Variants in MTMR10 observed in about 807,000 individuals in gnomAD.
The protein encoded by MTMR10 is myotubularin-related protein 10.
MTMR10 carries 56 observed loss-of-function variants against 88.1 expected under a neutral mutation model. That is an observed-to-expected ratio of 0.64 (90% CI 0.51 to 0.79). The LOEUF (loss-of-function observed/expected upper bound fraction) is 0.79. MTMR10 is among the 30% of genes least tolerant of loss of function. MTMR10 has a pLI of 0.00. For synonymous variants in MTMR10, 380 were observed against 340.9 expected, an observed-to-expected ratio of 1.11 and a Z score of -1.26; for missense variants, 883 against 924.7, an observed-to-expected ratio of 0.95 and a Z score of 0.58.
chr15:30,952,301 CTT>C lies in MTMR10; in HGVS notation c.1137-265_1137-264del, dbSNP rs376730139. ...ACTGCTTTCTACTGAATGCACATAG[CTT>C]TCGCATTACCGTAAAGTTTCTTTAG... On this transcript the variant is annotated intron_variant, in intron 11 of 15. Transcript: ENST00000435680. Among the ~76,000 whole-genome samples the C allele has an allele frequency of 3.7e-4, 56 of 152,342 alleles. No individual in the cohort carries two copies. In the East Asian group the frequency reaches 8.9e-3, roughly 24 times the overall value.
chr15:30,974,905 T>A (rs755660495), intron 4 of MTMR10, 26 bp downstream of exon 4: 5 of 1,394,658 alleles, frequency 3.6e-6, no homozygotes, highest in Non-Finnish European at 4.8e-6. Flanking sequence ...AATTGACTTT[T>A]AGAGTATGTA....
At chr15:30,921,881 A>G in the MTMR10 span, among the ~76,000 whole-genome samples, 1 of 152,248 alleles carries the variant, frequency 6.6e-6, no homozygotes, top group African/African-American at 2.4e-5. Flanking sequence ...GTGTTCCCAG[A>G]AGTATGTGGG....
the MTMR10 span, chr15:30,927,462 G>A: frequency 1.0e-6 from 1 of 985,642 alleles, no homozygotes; most frequent in South Asian, 4.7e-5. Flanking sequence ...GAACTGACAG[G>A]AAGACAGGAC....
In MTMR10 at chr15:30,942,389, G is replaced by C. The variant is rs1191387478; in HGVS notation, c.1732-317C>G. The C allele has an allele frequency of 1.3e-5, 5 of 378,870 alleles. No homozygotes were observed. In the East Asian group the frequency reaches 2.5e-4, roughly 19 times the overall value. 23.5% of individuals were successfully genotyped at this position (378,870 alleles called of 1,614,324 possible). ...CACTAGACCTGGCCGATTCTATCAAGAACAATGGCAAACTGAACAGAGGCA... is the reference window on the plus strand; with the variant it reads ...CACTAGACCTGGCCGATTCTATCAACAACAATGGCAAACTGAACAGAGGCA... On this transcript the variant is annotated intron_variant, in intron 15 of 15. Coordinates refer to ENST00000435680, the MANE Select transcript of MTMR10 (RefSeq NM_017762.3).
In MTMR10 at chr15:30,960,888, A is replaced by G. The variant is rs780135596; in HGVS notation, c.751T>C (p.Ser251Pro). 1 of 1,598,100 alleles carries G rather than the reference A, an allele frequency of 6.3e-7. No homozygotes were observed. Among genetic ancestry groups the G allele is most frequent in the Non-Finnish European group, 8.6e-7 (1 of 1,168,086 alleles). ...VCSINEGYMI[S>P]TCLPEYIVVP... The stretch of plus-strand genomic sequence containing the variant: ...TGCTAAAATTGTACTTACCAAGTGG[A>G]TATCATGTAACCCTCGTTAATAGAA... Residue 251 changes from serine (S) to proline (P), a missense_variant, in exon 7 of 16, where the codon TCC becomes CCC. Physicochemically the swap from Ser to Pro is moderately conservative, Grantham distance 74 (BLOSUM62 -1). This residue lies in a region of MTMR10 where 414 missense variants were observed against 423.2 expected (regional missense o/e 0.98). Coordinates refer to ENST00000435680, the MANE Select transcript of MTMR10 (RefSeq NM_017762.3).
Position 30,941,141 on chromosome 15 carries a change from C to A in MTMR10, c.*329G>T. 1 of 1,286,216 alleles carries A rather than the reference C, an allele frequency of 7.8e-7. No homozygotes were observed. Among genetic ancestry groups the A allele is most frequent in the Non-Finnish European group, 1.0e-6 (1 of 991,374 alleles). 79.7% of individuals were successfully genotyped at this position (1,286,216 alleles called of 1,614,324 possible). On this transcript the variant is annotated 3_prime_UTR_variant, in exon 16 of 16. Coordinates refer to ENST00000435680, the MANE Select transcript of MTMR10 (RefSeq NM_017762.3). ...CTTTCCTGTTGTCTGCTGCCTGGGG[C>A]TGCTAATGTGACTGACTATCAGATA... is the stretch of plus-strand genomic sequence containing the variant.
chr15:30,966,513 G>C (rs1295042799), intron 6 of MTMR10, among the ~76,000 whole-genome samples: 1 of 152,274 alleles, frequency 6.6e-6, no homozygotes, highest in East Asian at 1.9e-4. Flanking sequence ...AAACAGTTGA[G>C]CAGGAATCAA....
In MTMR10 at chr15:30,966,579, T is replaced by C. The variant is rs936997011; in HGVS notation, c.565+1341A>G. On this transcript the variant is annotated intron_variant, in intron 6 of 15. Coordinates refer to ENST00000435680, the MANE Select transcript of MTMR10 (RefSeq NM_017762.3). The stretch of plus-strand genomic sequence containing the variant: ...GGTGAGGATCTTATTGAAGATAACC[T>C]TGATCACTGTTCTGTAGCTTGACGA... 2.6e-5 allele frequency among the ~76,000 whole-genome samples: 4 copies of C among 152,228 alleles called. No homozygotes were observed. The South Asian group carries it at 8.3e-4, about 32-fold the overall frequency.
chr15:30,922,023 C>T, the MTMR10 span, among the ~76,000 whole-genome samples: 5 of 152,132 alleles, frequency 3.3e-5, no homozygotes, highest in African/African-American at 9.7e-5. Context: ...TGGCAGGGAC[C>T]GGGTGAAGAG....
intron 9 of MTMR10, among the ~76,000 whole-genome samples, chr15:30,955,416 A>G (rs867815022): frequency 3.2e-4 from 49 of 152,016 alleles, no homozygotes; most frequent in South Asian, 1.2e-3. Context: ...GATTACAGGC[A>G]CCCGCCACCA....
intron 5 of MTMR10, among the ~76,000 whole-genome samples, chr15:30,968,837 T>C (rs1320998030): frequency 6.6e-6 from 1 of 152,188 alleles, no homozygotes; most frequent in Non-Finnish European, 1.5e-5. Flanking sequence ...AATATGGCTG[T>C]TATTATTCTC....
intron 2 of MTMR10, among the ~76,000 whole-genome samples, chr15:30,986,950 C>T (rs2030977419): frequency 6.6e-6 from 1 of 152,238 alleles, no homozygotes; most frequent in Admixed American, 6.5e-5. Flanking sequence ...ATGCTCTTAA[C>T]AAATATATAC....
At chr15:30,919,207 C>T in the MTMR10 span, among the ~76,000 whole-genome samples, 3 of 151,582 alleles carry the variant, frequency 2.0e-5, no homozygotes, top group African/African-American at 7.3e-5. Context: ...ATGGAGAAAC[C>T]TCGTCTCTAC....
At position 30,948,330 on chromosome 15, in the gene MTMR10, C is replaced by T; in HGVS notation, c.1349G>A (p.Cys450Tyr). ...TTTCTCTGATCTCTTTAGATGGTTGCATCTGTCTAGAAACTGATATCCTGC... is the reference window on the plus strand; with the variant it reads ...TTTCTCTGATCTCTTTAGATGGTTGTATCTGTCTAGAAACTGATATCCTGC... ...VMAGYQFLDR[C>Y]NHLKRSEKES... The change falls in exon 13 of 16, where the codon TGC becomes TAC. Residue 450 changes from cysteine (C) to tyrosine (Y), a missense_variant. This residue lies in a region of MTMR10 where 126 missense variants were observed against 178.2 expected (regional missense o/e 0.71). Transcript: ENST00000435680. 2 of 1,613,740 alleles carry T rather than the reference C, an allele frequency of 1.2e-6. No individual in the cohort carries two copies. Among genetic ancestry groups the T allele is most frequent in the South Asian group, 1.1e-5 (1 of 91,044 alleles).
intron 2 of MTMR10, among the ~76,000 whole-genome samples, chr15:30,989,939 C>T (rs1032804366): frequency 6.6e-6 from 1 of 152,092 alleles, no homozygotes; most frequent in Non-Finnish European, 1.5e-5. Flanking sequence ...CCCTAATAAT[C>T]GCATTAAACA....
chr15:30,974,555 C>A, intron 4 of MTMR10, 99 bp from the exon 5 acceptor site: 1 of 1,145,734 alleles, frequency 8.7e-7, no homozygotes, highest in South Asian at 2.4e-5. Flanking sequence ...GGAAGGTCAC[C>A]CAACATTTGA....
chr15:30,941,600 A>G lies in MTMR10; in HGVS notation c.2204T>C (p.Leu735Pro). The change falls in exon 16 of 16, where the codon CTC (leucine) becomes CCC (proline). Residue 735 changes from leucine to proline, a missense_variant. Transcript: ENST00000435680. The part of the protein sequence containing the change: ...HTDTSGTPEF[L>P]SSSFPFSPVG... Reference sequence around the variant, plus strand: ...AGGAGAAAATGGAAATGAGGAGGAGAGAAACTCCGGTGTCCCCGAGGTGTC... The same window carrying G: ...AGGAGAAAATGGAAATGAGGAGGAGGGAAACTCCGGTGTCCCCGAGGTGTC... 6.3e-7 allele frequency: 1 copy of G among 1,599,954 alleles called. No individual in the cohort carries two copies. The highest frequency in any genetic ancestry group is 8.5e-7 in the Non-Finnish European group (1 of 1,172,798).
the MTMR10 span, chr15:30,925,678 TAA>T: frequency 2.6e-5 from 32 of 1,228,946 alleles, no homozygotes; most frequent in South Asian, 4.2e-4. Flanking sequence ...TGTGCTCTAC[TAA>T]GTGACTGACT....
chr15:30,987,692 A>C (rs12907874), intron 2 of MTMR10, among the ~76,000 whole-genome samples: 2 of 141,788 alleles, frequency 1.4e-5, no homozygotes, highest in East Asian at 2.0e-4. Context: ...TTTTTTTTTT[A>C]TTTTTTTTTT....
Sources: allele counts gnomAD v4.1 joint callset (sites outside exome capture counted in the v4.1 genomes callset), GRCh38; gene constraint gnomAD v4.1.1; regional missense constraint gnomAD v4.1.1; transcripts MANE v1.5; gene names NCBI Gene and HGNC (gene_info 2026-07-23, HGNC 2026-07-21).